The following EML5 variants were observed in gnomAD, a reference collection of about 807,000 sequenced individuals.
EML5 encodes echinoderm microtubule-associated protein-like 5.
In EML5, 120 loss-of-function variants were observed where a neutral mutation model predicts 250.0. The observed-to-expected ratio is 0.48, with a 90% CI of 0.41 to 0.56. The LOEUF (loss-of-function observed/expected upper bound fraction) is 0.56. EML5 is among the 20% of genes least tolerant of loss of function. EML5 has a pLI of 0.00. For missense variants in EML5, 2,006 were observed against 2,437.6 expected (o/e 0.82, Z 3.73); for synonymous variants, 771 against 806.5 (o/e 0.96, Z 0.75).
chr14:88,781,168 A>T (rs575801615), intron 1 of EML5, among the ~76,000 whole-genome samples: 6 of 152,222 alleles, frequency 3.9e-5, no homozygotes, highest in Non-Finnish European at 8.8e-5. Context: ...ACTGATACAA[A>T]TACAATGCTC....
At chr14:88,680,611 A>G (rs1055124521) in intron 21 of EML5, among the ~76,000 whole-genome samples, 13 of 152,206 alleles carry the variant, frequency 8.5e-5, no homozygotes, top group Admixed American at 7.2e-4. Context: ...TGTACTCATT[A>G]TAGTACTAGC....
intron 11 of EML5, chr14:88,705,867 A>C (rs2093307955): frequency 1.7e-6 from 1 of 588,400 alleles, no homozygotes; most frequent in Admixed American, 2.1e-5. Flanking sequence ...ATATAAGTGA[A>C]TATAACCTAT....
chr14:88,698,718 T>C (rs1052121604), intron 14 of EML5, among the ~76,000 whole-genome samples: 24 of 152,160 alleles, frequency 1.6e-4, no homozygotes, highest in Non-Finnish European at 2.5e-4. Context: ...GTTAAATCAA[T>C]AAATACCTCC....
chr14:88,731,283 T>A (rs538641319), intron 7 of EML5, among the ~76,000 whole-genome samples: 4 of 133,926 alleles, frequency 3.0e-5, no homozygotes, highest in African/African-American at 9.1e-5. Flanking sequence ...AGTGTTCTCA[T>A]TTTTCAATTC....
chr14:88,737,866 A>C (rs1363149924), intron 6 of EML5, among the ~76,000 whole-genome samples: 1 of 152,202 alleles, frequency 6.6e-6, no homozygotes, highest in East Asian at 1.9e-4. Context: ...TTAGTAAATT[A>C]CCTTTATAGA....
At chr14:88,666,934 AGAT>A (rs1456096194) in intron 21 of EML5, among the ~76,000 whole-genome samples, 1 of 152,208 alleles carries the variant, frequency 6.6e-6, no homozygotes, top group Non-Finnish European at 1.5e-5. Flanking sequence ...GAGAGTCAAG[AGAT>A]GATGATGACC....
intron 10 of EML5, among the ~76,000 whole-genome samples, chr14:88,707,243 A>G (rs1278173002): frequency 6.6e-6 from 1 of 151,902 alleles, no homozygotes; most frequent in Non-Finnish European, 1.5e-5. Context: ...TAATTTTCTT[A>G]AAAATCTATG....
chr14:88,657,432 G>A lies in EML5; in HGVS notation c.3948C>T (p.Arg1316=), dbSNP rs374379690. The change falls in exon 27 of 44, where the codon CGC becomes CGT. Residue 1316 remains arginine, a synonymous_variant. Coordinates refer to ENST00000554922, the MANE Select transcript of EML5 (RefSeq NM_183387.3). ...YTIRALSTNI[R]PMLGIKPHLQ... The stretch of plus-strand genomic sequence containing the variant: ...AATGAGGCTTGATTCCTAACATTGG[G>A]CGAATATTTGTTGATAAGGCTCTGA... The A allele has an allele frequency of 4.4e-6, 7 of 1,600,988 alleles. No individual in the cohort carries two copies. In the African/African-American group the frequency reaches 6.7e-5, roughly 15 times the overall value.
At chr14:88,645,360 G>A (rs1455360545) in intron 29 of EML5, among the ~76,000 whole-genome samples, 1 of 152,176 alleles carries the variant, frequency 6.6e-6, no homozygotes, top group African/African-American at 2.4e-5. Flanking sequence ...GTGTCATAAT[G>A]TAAATAACAG....
chr14:88,790,914 T>C (rs565265126), intron 1 of EML5, among the ~76,000 whole-genome samples: 4 of 152,288 alleles, frequency 2.6e-5, no homozygotes, highest in African/African-American at 7.2e-5. Flanking sequence ...ATCACCACGA[T>C]ACAGAGTCCC....
At chr14:88,648,240 CTG>C (rs2091449067) in intron 28 of EML5, among the ~76,000 whole-genome samples, 1 of 152,092 alleles carries the variant, frequency 6.6e-6, no homozygotes, top group African/African-American at 2.4e-5. Flanking sequence ...CATCTAAACT[CTG>C]TATAAATACT....
At chr14:88,762,915 G>A (rs2094266686) in intron 1 of EML5, among the ~76,000 whole-genome samples, 1 of 152,100 alleles carries the variant, frequency 6.6e-6, no homozygotes, top group Admixed American at 6.6e-5. Context: ...AGTGACTACT[G>A]GGTAAATAAC....
chr14:88,673,372 T>G (rs2092517597), intron 21 of EML5, among the ~76,000 whole-genome samples: 1 of 152,208 alleles, frequency 6.6e-6, no homozygotes, highest in African/African-American at 2.4e-5. Context: ...AACTAGGTAT[T>G]GATGGAACAT....
intron 17 of EML5, among the ~76,000 whole-genome samples, chr14:88,690,724 G>A (rs2092937329): frequency 6.6e-6 from 1 of 152,198 alleles, no homozygotes; most frequent in African/African-American, 2.4e-5. Flanking sequence ...ACACTTTTAT[G>A]CTGAAGGGAA....
At chr14:88,745,984 CAT>C (rs1252227888) in intron 3 of EML5, among the ~76,000 whole-genome samples, 199 bp downstream of exon 3, 1 of 152,082 alleles carries the variant, frequency 6.6e-6, no homozygotes, top group African/African-American at 2.4e-5. Context: ...CATATCAAAT[CAT>C]GTTTCCAAGT....
intron 14 of EML5, among the ~76,000 whole-genome samples, chr14:88,701,810 T>C (rs750653808): frequency 6.6e-6 from 1 of 152,182 alleles, no homozygotes; most frequent in Non-Finnish European, 1.5e-5. Context: ...AACCTCATCA[T>C]TTGTAGACTG....
At position 88,705,471 on chromosome 14, in the gene EML5, T is replaced by A; in HGVS notation, c.1932+11A>T. The A allele has an allele frequency of 1.3e-6, 2 of 1,576,202 alleles. No individual in the cohort carries two copies. The highest frequency in any genetic ancestry group is 1.7e-6 in the Non-Finnish European group (2 of 1,154,990). ...CTTTTTAGAGAAAAACCATGTGATA[T>A]GGAAAATTACCTGTCGACGGTAGGT... is the stretch of plus-strand genomic sequence containing the variant. On this transcript the variant is annotated intron_variant, in intron 12 of 43. Coordinates refer to ENST00000554922, the MANE Select transcript of EML5 (RefSeq NM_183387.3).
chr14:88,720,393 C>G (rs969682090), intron 8 of EML5, among the ~76,000 whole-genome samples: 2 of 152,124 alleles, frequency 1.3e-5, no homozygotes, highest in Non-Finnish European at 2.9e-5. Context: ...AAAATACTGG[C>G]AAACTGAATC....
rs780499874 is a variant in EML5 at position 88,712,425 on chromosome 14, T to C, written c.1503A>G (p.Thr501=). 2 of 1,613,664 alleles carry C rather than the reference T, an allele frequency of 1.2e-6. No individual in the cohort carries two copies. The highest frequency in any genetic ancestry group is 2.2e-5 in the South Asian group (2 of 91,070). The change falls in exon 10 of 44, where the codon ACA becomes ACG. Residue 501 remains threonine (T), a synonymous_variant. Coordinates refer to ENST00000554922, the MANE Select transcript of EML5 (RefSeq NM_183387.3). ...CATTTACTTCAAGGCCTGAAACACA[T>C]GTCCATGAAGCCCAATGAACACCTT... is the stretch of plus-strand genomic sequence containing the variant. ...EIKGVHWASW[T]CVSGLEVNGI... is the part of the protein sequence containing the mutation.
Sources: gnomAD v4.1 joint callset for allele counts (sites outside exome capture counted in the v4.1 genomes callset) on GRCh38, gnomAD v4.1.1 for gene constraint, MANE v1.5 for transcripts, NCBI Gene and HGNC (gene_info 2026-07-23, HGNC 2026-07-21) for gene names.